GNA12: variants seen among roughly 807,000 people sequenced by gnomAD.
GNA12 encodes the protein G protein subunit alpha 12.
GNA12 carries 9 observed loss-of-function variants against 26.0 expected under a neutral mutation model. The observed-to-expected ratio is 0.35, with a 90% CI of 0.21 to 0.60. The LOEUF (loss-of-function observed/expected upper bound fraction) is 0.60. GNA12 is among the 20% of genes least tolerant of loss of function. GNA12 has a pLI of 0.78. For missense variants in GNA12, 405 were observed against 525.8 expected (o/e 0.77, Z 2.25); for synonymous variants, 264 against 219.6 (o/e 1.20, Z -1.79).
At chr7:2,823,139 A>G (rs1226358231) in intron 1 of GNA12, among the ~76,000 whole-genome samples, 1 of 152,208 alleles carries the variant, frequency 6.6e-6, no homozygotes, top group Non-Finnish European at 1.5e-5. Context: ...GGCATCATCT[A>G]TGGCAGGCTT....
chr7:2,807,577 A>T (rs34660119), intron 1 of GNA12, among the ~76,000 whole-genome samples: 1 of 151,304 alleles, frequency 6.6e-6, no homozygotes, highest in African/African-American at 2.4e-5. Context: ...AAAATAAGGT[A>T]TAAGAGAGAA....
intron 2 of GNA12, among the ~76,000 whole-genome samples, chr7:2,757,548 G>C (rs998314223): frequency 3.3e-5 from 5 of 152,160 alleles, no homozygotes; most frequent in Non-Finnish European, 5.9e-5. Context: ...CCTTAGATGG[G>C]AACGCGGCCA....
At chr7:2,827,942 A>C (rs1793522969) in intron 1 of GNA12, among the ~76,000 whole-genome samples, 1 of 152,194 alleles carries the variant, frequency 6.6e-6, no homozygotes, top group Admixed American at 6.5e-5. Flanking sequence ...AATTAATGAA[A>C]GACTAGAAAA....
At chr7:2,813,479 G>A (rs1793135207) in intron 1 of GNA12, among the ~76,000 whole-genome samples, 1 of 152,190 alleles carries the variant, frequency 6.6e-6, no homozygotes. Context: ...ACATCACTGA[G>A]TGATGCCAGC....
At chr7:2,744,597 T>C (rs2115340518) in intron 2 of GNA12, among the ~76,000 whole-genome samples, 1 of 152,134 alleles carries the variant, frequency 6.6e-6, no homozygotes, top group South Asian at 2.1e-4. Flanking sequence ...CTGGAAACTC[T>C]AAAAATCAGA....
chr7:2,793,897 A>AC (rs1180967638), intron 2 of GNA12, among the ~76,000 whole-genome samples: 4 of 140,672 alleles, frequency 2.8e-5, no homozygotes, highest in African/African-American at 1.1e-4. Context: ...AAAAAAAAAA[A>AC]AGGAAAAAAA....
At chr7:2,769,835 A>T (rs1429675386) in intron 2 of GNA12, among the ~76,000 whole-genome samples, 1 of 152,206 alleles carries the variant, frequency 6.6e-6, no homozygotes, top group Non-Finnish European at 1.5e-5. Flanking sequence ...GGTTTAAGAT[A>T]CCCACTTCTT....
chr7:2,834,037 G>A (rs984179022), intron 1 of GNA12, among the ~76,000 whole-genome samples: 5 of 152,158 alleles, frequency 3.3e-5, no homozygotes, highest in African/African-American at 7.2e-5. Context: ...TTGGGATTCC[G>A]GATGTCCAAA....
At position 2,763,040 on chromosome 7, in the gene GNA12, T is replaced by G. The variant is rs527828420; in HGVS notation, c.526-29539A>C. The G allele has an allele frequency of 6.7e-5, 84 of 1,250,258 alleles. No homozygotes were observed. The African/African-American group carries it at 1.2e-3, about 17-fold the overall frequency. 77.4% of individuals were successfully genotyped at this position (1,250,258 alleles called of 1,614,324 possible). On this transcript the variant is annotated intron_variant, in intron 2 of 3. Coordinates refer to ENST00000275364, the MANE Select transcript of GNA12 (RefSeq NM_007353.3). ...CCGGCCACTGGCCCAGGACTCAGCG[T>G]GCCGTTCCTCCAGGACGCAGACCGG...
chr7:2,782,145 A>C (rs1214559072), intron 2 of GNA12, among the ~76,000 whole-genome samples: 1 of 152,244 alleles, frequency 6.6e-6, no homozygotes, highest in Non-Finnish European at 1.5e-5. Context: ...CCATATACAA[A>C]AATTAACTCA....
At chr7:2,810,713 G>C (rs776161466) in intron 1 of GNA12, among the ~76,000 whole-genome samples, 2 of 152,094 alleles carry the variant, frequency 1.3e-5, no homozygotes, top group Non-Finnish European at 2.9e-5. Context: ...ACATGTTAAA[G>C]CCCTATCTAT....
intron 2 of GNA12, among the ~76,000 whole-genome samples, chr7:2,781,988 G>A (rs1344816799): frequency 6.6e-6 from 1 of 152,130 alleles, no homozygotes; most frequent in Admixed American, 6.5e-5. Context: ...ATAGAATTTG[G>A]AGTCTAGAAA....
chr7:2,768,691 A>AAC (rs1554258743), intron 2 of GNA12, among the ~76,000 whole-genome samples: 16 of 142,640 alleles, frequency 1.1e-4, no homozygotes, highest in Admixed American at 1.4e-4. Context: ...ACAAAACAAA[A>AAC]AAAAAAACAG....
rs1424893845 is a variant in GNA12 at position 2,843,846 on chromosome 7, G to A, written c.309+7C>T. ...GGTGCAGGTGCTGGGCGGGGGGCGC[G>A]CGTCACCTTGAGGATGTTGTCGAAG... On this transcript the variant is annotated splice_region_variant and intron_variant, in intron 1 of 3. Transcript: ENST00000275364. 2 of 1,458,508 alleles carry A rather than the reference G, an allele frequency of 1.4e-6. No individual in the cohort carries two copies. The highest frequency in any genetic ancestry group is 1.3e-5 in the South Asian group (1 of 75,672). 90.3% of individuals were successfully genotyped at this position (1,458,508 alleles called of 1,614,324 possible).
chr7:2,779,475 A>C (rs1217104596), intron 2 of GNA12, among the ~76,000 whole-genome samples: 1 of 151,148 alleles, frequency 6.6e-6, no homozygotes, highest in East Asian at 1.9e-4. Context: ...ACGCTACTAC[A>C]CTCCAGCCTG....
intron 2 of GNA12, chr7:2,775,620 A>C (rs1435060937): frequency 6.6e-6 from 1 of 152,220 alleles, no homozygotes; most frequent in Admixed American, 6.5e-5. Flanking sequence ...TTGGATACTA[A>C]ACGCCTGTGT....
chr7:2,832,208 T>C lies in GNA12; in HGVS notation c.309+11645A>G, dbSNP rs934723859. ...GGCAAGGCCTCCCCTCTCCTCCAAG[T>C]GACTTTCCCAGTGATGTTCCGGCTC... is the stretch of plus-strand genomic sequence containing the variant. On this transcript the variant is annotated intron_variant, in intron 1 of 3. Coordinates refer to ENST00000275364, the MANE Select transcript of GNA12 (RefSeq NM_007353.3). Among the ~76,000 whole-genome samples the C allele has an allele frequency of 4.6e-5, 7 of 152,212 alleles. No individual in the cohort carries two copies. In the South Asian group the frequency reaches 8.3e-4, roughly 18 times the overall value.
At chr7:2,757,037 G>A (rs564746717) in intron 2 of GNA12, among the ~76,000 whole-genome samples, 39 of 152,228 alleles carry the variant, frequency 2.6e-4, no homozygotes, top group South Asian at 2.5e-3. Context: ...TTGTGCCAGT[G>A]GCACTCCAGT....
At chr7:2,804,613 G>A (rs1792898913) in intron 1 of GNA12, among the ~76,000 whole-genome samples, 1 of 152,188 alleles carries the variant, frequency 6.6e-6, no homozygotes, top group Non-Finnish European at 1.5e-5. Context: ...GAGGAGGTGT[G>A]AGAAAATGGT....
Sources: allele counts gnomAD v4.1 joint callset (sites outside exome capture counted in the v4.1 genomes callset), GRCh38; gene constraint gnomAD v4.1.1; transcripts MANE v1.5; gene names NCBI Gene and HGNC (gene_info 2026-07-23, HGNC 2026-07-21).